Variants in ARL15 observed in about 807,000 individuals in gnomAD.
ARL15 encodes the protein ADP-ribosylation factor-like protein 15.
ARL15 carries 19 observed loss-of-function variants against 25.2 expected under a neutral mutation model. The ratio of observed to expected loss-of-function variants is 0.75; its 90% CI spans 0.53 to 1.10. The LOEUF (loss-of-function observed/expected upper bound fraction) is 1.10. Among genes scored for constraint, ARL15 ranks in the 50% least tolerant of loss-of-function variants. The pLI is 0.00. For missense variants in ARL15, 220 were observed against 246.0 expected, an observed-to-expected ratio of 0.89 and a Z score of 0.71; for synonymous variants, 94 against 86.8, an observed-to-expected ratio of 1.08 and a Z score of -0.46.
intron 1 of ARL15, among the ~76,000 whole-genome samples, chr5:54,191,697 C>CAGACT (rs1755405232): frequency 6.6e-6 from 1 of 152,040 alleles, no homozygotes; most frequent in South Asian, 2.1e-4. Context: ...AATATATATA[C>CAGACT]AGACTCCAAC....
chr5:54,029,320 C>CACCACCACCACCAA (rs1561194967), intron 4 of ARL15, among the ~76,000 whole-genome samples: 1 of 115,766 alleles, frequency 8.6e-6, no homozygotes, highest in Non-Finnish European at 1.8e-5. Flanking sequence ...ACCACCACCA[C>CACCACCACCACCAA]CACCACCACC....
chr5:53,918,417 TC>T (rs1468716246), intron 4 of ARL15, among the ~76,000 whole-genome samples: 2 of 152,140 alleles, frequency 1.3e-5, no homozygotes, highest in Non-Finnish European at 2.9e-5. Context: ...GGTCACGTAC[TC>T]CTGGGCTTAA....
At chr5:54,041,969 T>A (rs896357077) in intron 4 of ARL15, among the ~76,000 whole-genome samples, 1 of 151,006 alleles carries the variant, frequency 6.6e-6, no homozygotes, top group African/African-American at 2.4e-5. Context: ...CTTGTTTTCG[T>A]TTTTGTTTTT....
intron 4 of ARL15, among the ~76,000 whole-genome samples, chr5:53,889,222 T>C (rs1045951459): frequency 6.6e-6 from 1 of 152,200 alleles, no homozygotes; most frequent in African/African-American, 2.4e-5. Context: ...TTGATCCCGG[T>C]AGCATATTTA....
At chr5:54,109,892 A>G (rs1752691288) in intron 4 of ARL15, among the ~76,000 whole-genome samples, 1 of 152,008 alleles carries the variant, frequency 6.6e-6, no homozygotes, top group East Asian at 1.9e-4. Flanking sequence ...GCTTTCAGAC[A>G]GTATGTAAAG....
intron 4 of ARL15, among the ~76,000 whole-genome samples, chr5:53,907,274 A>T (rs749247705): frequency 6.5e-4 from 98 of 151,822 alleles, no homozygotes; most frequent in Admixed American, 1.1e-3. Flanking sequence ...GCTTTCTTAG[A>T]CATACCTTGT....
At chr5:53,890,586 G>A (rs1310214469) in intron 4 of ARL15, among the ~76,000 whole-genome samples, 2 of 152,154 alleles carry the variant, frequency 1.3e-5, no homozygotes, top group African/African-American at 2.4e-5. Context: ...GACAACCTGT[G>A]GTCATTTAGC....
At chr5:54,036,706 C>A (rs1048396967) in intron 4 of ARL15, among the ~76,000 whole-genome samples, 2 of 152,112 alleles carry the variant, frequency 1.3e-5, no homozygotes, top group Non-Finnish European at 2.9e-5. Context: ...CTAATAAAAA[C>A]CTAATTATTT....
chr5:54,271,681 C>T (rs1030614995), intron 1 of ARL15, among the ~76,000 whole-genome samples: 3 of 152,182 alleles, frequency 2.0e-5, no homozygotes, highest in Non-Finnish European at 2.9e-5. Context: ...GAAGTACTTA[C>T]TACGTGCCAG....
chr5:53,980,181 A>G (rs1748075107), intron 4 of ARL15, among the ~76,000 whole-genome samples: 1 of 152,238 alleles, frequency 6.6e-6, no homozygotes, highest in African/African-American at 2.4e-5. Flanking sequence ...AAGCAACTCA[A>G]AGACATACTT....
At chr5:54,282,142 A>C (rs1236409108) in intron 1 of ARL15, 4 of 512,654 alleles carry the variant, frequency 7.8e-6, no homozygotes, top group Non-Finnish European at 1.0e-5. Context: ...TGCTTTCTAA[A>C]GTGGTTGTAT....
intron 4 of ARL15, among the ~76,000 whole-genome samples, chr5:54,030,377 C>A (rs573547083): frequency 6.6e-6 from 1 of 152,252 alleles, no homozygotes; most frequent in South Asian, 2.1e-4. Flanking sequence ...TTGTAACTAT[C>A]ATTTCTTAAG....
intron 1 of ARL15, among the ~76,000 whole-genome samples, chr5:54,294,501 G>A (rs1758417574): frequency 6.6e-6 from 1 of 152,176 alleles, no homozygotes; most frequent in African/African-American, 2.4e-5. Context: ...GAAAAGGAAA[G>A]AGGGAGATTA....
At chr5:53,906,247 C>T (rs1745246971) in intron 4 of ARL15, among the ~76,000 whole-genome samples, 1 of 152,152 alleles carries the variant, frequency 6.6e-6, no homozygotes, top group South Asian at 2.1e-4. Flanking sequence ...GGTTGAACTG[C>T]TTTTTGGCAC....
At chr5:54,191,427 A>G (rs766947841) in intron 1 of ARL15, among the ~76,000 whole-genome samples, 2 of 152,120 alleles carry the variant, frequency 1.3e-5, no homozygotes, top group Non-Finnish European at 2.9e-5. Flanking sequence ...TGCATTTAAT[A>G]CCACTGAGCT....
At chr5:54,070,884 C>A (rs1213882161) in intron 4 of ARL15, among the ~76,000 whole-genome samples, 3 of 151,898 alleles carry the variant, frequency 2.0e-5, no homozygotes, top group African/African-American at 7.3e-5. Flanking sequence ...CATTTCTTTT[C>A]TTGGCCAGGT....
chr5:54,261,462 CACTTT>C (rs1757495102), intron 1 of ARL15, among the ~76,000 whole-genome samples: 1 of 151,856 alleles, frequency 6.6e-6, no homozygotes, highest in Non-Finnish European at 1.5e-5. Flanking sequence ...TAGGGCCAAC[CACTTT>C]ACTTAACATA....
At chr5:54,069,426 C>A (rs570139400) in intron 4 of ARL15, among the ~76,000 whole-genome samples, 6 of 151,966 alleles carry the variant, frequency 3.9e-5, no homozygotes, top group Non-Finnish European at 8.8e-5. Flanking sequence ...CAAAAATTAG[C>A]TGGGAGTGAT....
intron 4 of ARL15, among the ~76,000 whole-genome samples, chr5:54,051,584 T>C (rs940499556): frequency 2.6e-5 from 4 of 152,200 alleles, no homozygotes; most frequent in Admixed American, 2.0e-4. Flanking sequence ...CTCAACGTCA[T>C]CTGACATTAG....
Sources: allele counts gnomAD v4.1 joint callset (sites outside exome capture counted in the v4.1 genomes callset), GRCh38; gene constraint gnomAD v4.1.1; transcripts MANE v1.5; gene names NCBI Gene and HGNC (gene_info 2026-07-23, HGNC 2026-07-21).